Variants in POFUT3 observed in about 807,000 individuals in gnomAD.
The protein encoded by POFUT3 is GDP-fucose protein O-fucosyltransferase 3.
At chr8:33,318,790 A>AAT in the POFUT3 span, among the ~76,000 whole-genome samples, 4 of 48,658 alleles carry the variant, frequency 8.2e-5, no homozygotes, top group East Asian at 3.7e-3. Context: ...ATATTTATAT[A>AAT]ATATATATAT....
chr8:33,308,327 A>T, the POFUT3 span, among the ~76,000 whole-genome samples: 1 of 152,224 alleles, frequency 6.6e-6, no homozygotes, highest in Non-Finnish European at 1.5e-5. Flanking sequence ...AAGGCAGCAA[A>T]GAGAGCATTG....
the POFUT3 span, chr8:33,453,499 C>A: frequency 3.8e-5 from 61 of 1,607,230 alleles, no homozygotes; most frequent in African/African-American, 6.3e-4. Context: ...ACTTCCCCAG[C>A]TCAACCATGA....
chr8:33,457,205 T>G, the POFUT3 span, among the ~76,000 whole-genome samples: 1 of 152,154 alleles, frequency 6.6e-6, no homozygotes, highest in African/African-American at 2.4e-5. Context: ...CCCAGCATTT[T>G]GGGAGGCCCA....
the POFUT3 span, among the ~76,000 whole-genome samples, chr8:33,381,758 C>T: frequency 1.1e-4 from 16 of 152,132 alleles, no homozygotes; most frequent in Non-Finnish European, 2.1e-4. Context: ...CAGCTGGCTG[C>T]CAGTGATTAA....
the POFUT3 span, among the ~76,000 whole-genome samples, chr8:33,447,318 G>A: frequency 3.3e-5 from 5 of 152,202 alleles, no homozygotes; most frequent in East Asian, 3.9e-4. Flanking sequence ...GTGTGGTGGC[G>A]GGTGCCTGTA....
At chr8:33,322,510 C>T in the POFUT3 span, among the ~76,000 whole-genome samples, 6 of 152,054 alleles carry the variant, frequency 3.9e-5, no homozygotes, top group Admixed American at 1.3e-4. Context: ...TGAACACAGT[C>T]CTCTTATAAA....
chr8:33,393,529 G>A, the POFUT3 span, among the ~76,000 whole-genome samples: 1 of 152,174 alleles, frequency 6.6e-6, no homozygotes, highest in African/African-American at 2.4e-5. Flanking sequence ...CATACTTTAT[G>A]GGACATGTTT....
chr8:33,373,290 T>C, the POFUT3 span, among the ~76,000 whole-genome samples: 3 of 152,136 alleles, frequency 2.0e-5, no homozygotes, highest in Non-Finnish European at 4.4e-5. Flanking sequence ...TATATGTTAT[T>C]GTATGTCTCA....
chr8:33,355,320 T>A, the POFUT3 span, among the ~76,000 whole-genome samples: 1 of 152,192 alleles, frequency 6.6e-6, no homozygotes. Flanking sequence ...ATATTTATAT[T>A]AAAGGTTATA....
the POFUT3 span, among the ~76,000 whole-genome samples, chr8:33,320,452 A>C: frequency 6.6e-6 from 1 of 152,046 alleles, no homozygotes; most frequent in Non-Finnish European, 1.5e-5. Context: ...TTTATAATGG[A>C]TTCTTCCAAA....
chr8:33,338,397 T>C, the POFUT3 span, among the ~76,000 whole-genome samples: 1 of 152,132 alleles, frequency 6.6e-6, no homozygotes, highest in Non-Finnish European at 1.5e-5. Flanking sequence ...ACTCATTCTA[T>C]GAGGCCAGAC....
the POFUT3 span, among the ~76,000 whole-genome samples, chr8:33,309,958 AC>A: frequency 2.0e-5 from 3 of 152,012 alleles, no homozygotes; most frequent in East Asian, 1.9e-4. Context: ...TGAATTTCCA[AC>A]CCCCGTGCTG....
the POFUT3 span, among the ~76,000 whole-genome samples, chr8:33,441,840 G>T: frequency 6.6e-6 from 1 of 152,186 alleles, no homozygotes; most frequent in African/African-American, 2.4e-5. Flanking sequence ...CCTGGATGGG[G>T]GCCATCATTT....
the POFUT3 span, among the ~76,000 whole-genome samples, chr8:33,392,214 C>T: frequency 8.5e-4 from 130 of 152,260 alleles, 2 homozygotes; most frequent in East Asian, 0.017. Context: ...TGTGCAATCA[C>T]GCTAATATAG....
chr8:33,341,703 C>G, the POFUT3 span, among the ~76,000 whole-genome samples: 1 of 151,928 alleles, frequency 6.6e-6, no homozygotes, highest in Non-Finnish European at 1.5e-5. Flanking sequence ...CTAAAGCAAA[C>G]AGAAGCAAGG....
the POFUT3 span, among the ~76,000 whole-genome samples, chr8:33,448,997 G>A: frequency 3.3e-5 from 5 of 152,112 alleles, no homozygotes; most frequent in Admixed American, 6.6e-5. Context: ...AAAGCAGTGC[G>A]CTATATACAG....
chr8:33,381,247 T>A, the POFUT3 span, among the ~76,000 whole-genome samples: 1 of 152,232 alleles, frequency 6.6e-6, no homozygotes, highest in African/African-American at 2.4e-5. Context: ...ACAGATTGTC[T>A]GTTTTGTTCA....
At chr8:33,346,048 C>T in the POFUT3 span, among the ~76,000 whole-genome samples, 4 of 151,710 alleles carry the variant, frequency 2.6e-5, no homozygotes, top group Admixed American at 6.6e-5. Context: ...TGGTCTTGAA[C>T]GCCCATCTTC....
chr8:33,447,896 A>G, the POFUT3 span, among the ~76,000 whole-genome samples: 1 of 152,230 alleles, frequency 6.6e-6, no homozygotes, highest in African/African-American at 2.4e-5. Context: ...TGGAACACTC[A>G]GACAGAAGAG....
Sources: allele counts gnomAD v4.1 joint callset (sites outside exome capture counted in the v4.1 genomes callset), GRCh38; gene constraint gnomAD v4.1.1; transcripts MANE v1.5; gene names NCBI Gene and HGNC (gene_info 2026-07-23, HGNC 2026-07-21).